The following PRKG1 variants were observed in gnomAD, a reference collection of about 807,000 sequenced individuals.
The protein encoded by PRKG1 is cGMP-dependent protein kinase 1.
Under a neutral mutation model 88.1 loss-of-function variants are expected in PRKG1, and 35 were observed. That is an observed-to-expected ratio of 0.40 (90% CI 0.30 to 0.53). PRKG1 has a LOEUF of 0.53. Ranked by LOEUF, PRKG1 falls within the 20% of genes least tolerant of loss-of-function variation. The pLI is 0.59. For synonymous variants in PRKG1, 303 were observed against 292.5 expected (o/e 1.04, Z -0.37); for missense variants, 540 against 839.8 (o/e 0.64, Z 4.41).
chr10:51,854,200 G>T (rs1392201306), intron 4 of PRKG1, among the ~76,000 whole-genome samples: 2 of 151,994 alleles, frequency 1.3e-5, no homozygotes, highest in African/African-American at 4.8e-5. Flanking sequence ...CTGTGTGGCA[G>T]GCATTTTTAT....
At chr10:51,327,880 C>A (rs1391418445) in intron 2 of PRKG1, among the ~76,000 whole-genome samples, 1 of 152,082 alleles carries the variant, frequency 6.6e-6, no homozygotes, top group Non-Finnish European at 1.5e-5. Flanking sequence ...CTGTATTTAC[C>A]ATGCAAAAAA....
chr10:51,197,172 G>A (rs886924248), intron 2 of PRKG1, among the ~76,000 whole-genome samples: 1 of 152,196 alleles, frequency 6.6e-6, no homozygotes, highest in South Asian at 2.1e-4. Context: ...AAATTGAGAC[G>A]TAGATGGACA....
intron 3 of PRKG1, among the ~76,000 whole-genome samples, chr10:51,535,720 C>T (rs1004951701): frequency 1.6e-5 from 2 of 123,456 alleles, no homozygotes; most frequent in African/African-American, 2.6e-5. Flanking sequence ...GTTTTGAAAT[C>T]AATGATTTTT....
intron 3 of PRKG1, among the ~76,000 whole-genome samples, chr10:51,491,062 A>G (rs936501107): frequency 6.6e-6 from 1 of 152,042 alleles, no homozygotes; most frequent in Non-Finnish European, 1.5e-5. Context: ...CTCACTTTTC[A>G]TGTTGGCGTG....
chr10:52,166,089 A>G (rs951864491), intron 9 of PRKG1, among the ~76,000 whole-genome samples: 52 of 152,364 alleles, frequency 3.4e-4, no homozygotes, highest in African/African-American at 1.3e-3. Context: ...TTTTTAAAAT[A>G]GGAAATTATA....
At chr10:51,163,483 C>T (rs1846421404) in intron 2 of PRKG1, among the ~76,000 whole-genome samples, 1 of 152,186 alleles carries the variant, frequency 6.6e-6, no homozygotes, top group Non-Finnish European at 1.5e-5. Context: ...GTGATTTCTG[C>T]ATTTCCATCT....
intron 2 of PRKG1, among the ~76,000 whole-genome samples, chr10:51,392,988 A>G (rs369621791): frequency 6.8e-5 from 10 of 146,148 alleles, no homozygotes; most frequent in East Asian, 6.5e-4. Flanking sequence ...CGGACAGGGT[A>G]GCTGCCGGGC....
intron 2 of PRKG1, among the ~76,000 whole-genome samples, chr10:51,252,822 T>C (rs2132144251): frequency 6.6e-6 from 1 of 151,934 alleles, no homozygotes; most frequent in Non-Finnish European, 1.5e-5. Flanking sequence ...AGAAAACATA[T>C]TAAGCTCCTG....
chr10:51,380,902 G>T (rs543493935), intron 2 of PRKG1, among the ~76,000 whole-genome samples: 2 of 152,262 alleles, frequency 1.3e-5, no homozygotes, highest in South Asian at 2.1e-4. Context: ...AGAAGAACTT[G>T]TGTGCTGGGA....
chr10:52,179,472 G>T (rs551022643), intron 9 of PRKG1, among the ~76,000 whole-genome samples: 1 of 151,990 alleles, frequency 6.6e-6, no homozygotes, highest in Non-Finnish European at 1.5e-5. Context: ...TCTAATGGGG[G>T]TTCCCTTATG....
intron 3 of PRKG1, among the ~76,000 whole-genome samples, chr10:51,496,398 A>G (rs989287862): frequency 3.3e-5 from 5 of 152,176 alleles, no homozygotes; most frequent in Non-Finnish European, 5.9e-5. Context: ...TGTTAAACTT[A>G]TCAGCATGGG....
At chr10:51,278,675 G>A (rs1428378731) in intron 2 of PRKG1, among the ~76,000 whole-genome samples, 4 of 152,128 alleles carry the variant, frequency 2.6e-5, no homozygotes. Context: ...TCCTGGTTTA[G>A]TCTTGGGAGG....
At chr10:51,142,918 T>G (rs1359892918) in intron 1 of PRKG1, among the ~76,000 whole-genome samples, 2 of 152,130 alleles carry the variant, frequency 1.3e-5, no homozygotes, top group Non-Finnish European at 2.9e-5. Flanking sequence ...TATATATGCA[T>G]TTACAATGGT....
intron 4 of PRKG1, among the ~76,000 whole-genome samples, chr10:51,906,936 T>C (rs1842099021): frequency 2.0e-5 from 3 of 152,204 alleles, no homozygotes; most frequent in Admixed American, 1.3e-4. Context: ...TGGTATCTTA[T>C]TTCTATAAAG....
chr10:51,589,087 T>C (rs1217034503), intron 3 of PRKG1, among the ~76,000 whole-genome samples: 1 of 152,142 alleles, frequency 6.6e-6, no homozygotes, highest in African/African-American at 2.4e-5. Context: ...TTAGACAGGC[T>C]ATAAGGGAAT....
intron 8 of PRKG1, among the ~76,000 whole-genome samples, chr10:52,143,820 A>C (rs1837651283): frequency 2.6e-5 from 4 of 151,344 alleles, no homozygotes. Flanking sequence ...TTAAAAGAGT[A>C]AATTTTGGAC....
At chr10:51,688,908 T>C (rs953211408) in intron 3 of PRKG1, among the ~76,000 whole-genome samples, 2 of 152,276 alleles carry the variant, frequency 1.3e-5, no homozygotes, top group East Asian at 3.9e-4. Context: ...CCATGTGTTG[T>C]GGGAGGTACC....
intron 9 of PRKG1, among the ~76,000 whole-genome samples, chr10:52,171,785 A>ATTTTTTTTTTTT (rs1358641112): frequency 1.3e-4 from 16 of 122,664 alleles, no homozygotes; most frequent in East Asian, 2.6e-4. Flanking sequence ...CTTTTATCAA[A>ATTTTTTTTTTTT]ATTTTTTTTT....
At chr10:51,051,472 C>T (rs534601223) in intron 1 of PRKG1, among the ~76,000 whole-genome samples, 1 of 152,160 alleles carries the variant, frequency 6.6e-6, no homozygotes, top group East Asian at 1.9e-4. Flanking sequence ...TGACCCATTA[C>T]TTCATTTATC....
Sources: allele counts gnomAD v4.1 joint callset (sites outside exome capture counted in the v4.1 genomes callset), GRCh38; gene constraint gnomAD v4.1.1; transcripts MANE v1.5; gene names NCBI Gene and HGNC (gene_info 2026-07-23, HGNC 2026-07-21).